The following NOP56 variants were observed in gnomAD, a reference collection of about 807,000 sequenced individuals.
NOP56 encodes the protein nucleolar protein 56.
Under a neutral mutation model 58.3 loss-of-function variants are expected in NOP56, and 31 were observed. The observed-to-expected ratio is 0.53, with a 90% confidence interval of 0.40 to 0.72. The LOEUF (loss-of-function observed/expected upper bound fraction) is 0.72. Among genes scored for constraint, NOP56 ranks in the 30% least tolerant of loss-of-function variants. The probability of loss-of-function intolerance (pLI) is 0.00; values close to 1 mark genes in which losing one functional copy is unlikely to be tolerated. For missense variants in NOP56, 669 were observed against 739.9 expected (o/e 0.90, Z 1.11); for synonymous variants, 313 against 282.8 (o/e 1.11, Z -1.07).
At position 2,653,315 on chromosome 20, in the gene NOP56, A is replaced by G; in HGVS notation, c.130A>G (p.Ser44Gly). 1 of 1,614,168 alleles carries G rather than the reference A, an allele frequency of 6.2e-7. No individual in the cohort carries two copies. Among genetic ancestry groups the G allele is most frequent in the Non-Finnish European group, 8.5e-7 (1 of 1,180,022 alleles). The change falls in exon 3 of 12, where the codon AGC becomes GGC. Residue 44 changes from serine to glycine, a missense_variant. By Grantham distance (56) the Ser-to-Gly change is moderately conservative. Around this residue, in one of 3 missense-constraint regions of NOP56, gnomAD observed 121 missense variants for 113.1 expected, o/e 1.07. Transcript: ENST00000329276. ...TGTGCTCAACCTGGGCAAATTCCAC[A>G]GCATCGTTCGTCTGGTGGCCTTTTG... ...ESVLNLGKFH[S>G]IVRLVAFCPF...
chr20:2,652,980 C>G, intron 2 of NOP56, 49 bp downstream of exon 2: 2 of 1,489,420 alleles, frequency 1.3e-6, no homozygotes, highest in Middle Eastern at 2.3e-4. Context: ...ACCCTCATCG[C>G]GCGGGTCCCA....
intron 10 of NOP56, 91 bp from the exon 11 acceptor site, chr20:2,656,987 AAAC>A (rs1255295134): frequency 3.1e-6 from 5 of 1,613,698 alleles, no homozygotes; most frequent in Non-Finnish European, 4.2e-6. Flanking sequence ...GGAGGCAAAA[AAAC>A]TGATTTAATG....
rs1232477976 is a variant in NOP56 at position 2,655,756 on chromosome 20, A to C, written c.909+10A>C. The C allele has an allele frequency of 2.5e-6, 4 of 1,614,064 alleles. No individual in the cohort carries two copies. The highest frequency in any genetic ancestry group is 3.3e-5 in the Admixed American group (2 of 60,004). On this transcript the variant is annotated intron_variant, in intron 7 of 11. Coordinates refer to ENST00000329276, the MANE Select transcript of NOP56 (RefSeq NM_006392.4). ...CCTAATTGGGGAAGCGGTGCGTCAC[A>C]GGGGACTCAAAAATGGGAGAATAAG... is the stretch of plus-strand genomic sequence containing the variant.
At chr20:2,654,980 C>T in intron 5 of NOP56, 33 bp downstream of exon 5, 1 of 1,610,192 alleles carries the variant, frequency 6.2e-7, no homozygotes, top group South Asian at 1.1e-5. Flanking sequence ...AATACTGGAG[C>T]CTTTGGTCTG....
intron 3 of NOP56, 39 bp from the exon 4 acceptor site, chr20:2,654,375 C>T (rs750300536): frequency 1.9e-6 from 3 of 1,612,956 alleles, no homozygotes; most frequent in South Asian, 2.2e-5. Context: ...GTTGATCGTC[C>T]TTCAGCCTGT....
rs767472861 is a variant in NOP56, at chr20:2,655,435, A to T, written c.680A>T (p.Lys227Met). The change falls in exon 6 of 12, where the codon AAG becomes ATG. Residue 227 changes from lysine (K) to methionine (M), a missense_variant. Lys to Met is a moderately conservative substitution (Grantham distance 95). Transcript: ENST00000329276. ...IGNRRELNED[K>M]LEKLEELTMD... is the part of the protein sequence containing the mutation. ...AACCGAAGGGAACTGAATGAGGACAAGCTGGAGAAGCTGGAGGAGCTGACA... is the reference window on the plus strand; with the variant it reads ...AACCGAAGGGAACTGAATGAGGACATGCTGGAGAAGCTGGAGGAGCTGACA... 3.7e-6 allele frequency: 6 copies of T among 1,614,144 alleles called. No individual in the cohort carries two copies. The highest frequency in any genetic ancestry group is 3.3e-4 in the Middle Eastern group (2 of 6,062).
chr20:2,657,626 G>T, intron 11 of NOP56: 1 of 511,394 alleles, frequency 2.0e-6, no homozygotes, highest in Non-Finnish European at 3.5e-6. Context: ...TTAGCACCCA[G>T]TTTCTTAAAC....
intron 11 of NOP56, 37 bp from the exon 12 acceptor site, chr20:2,657,892 C>T (rs1244923409): frequency 1.9e-6 from 3 of 1,539,446 alleles, no homozygotes; most frequent in Admixed American, 2.1e-5. Flanking sequence ...GTAATGAGCA[C>T]TGTTCTCACA....
rs1420189781 is a variant in NOP56 at position 2,656,520 on chromosome 20, G to A, written c.1130G>A (p.Ser377Asn). 6.2e-6 allele frequency: 10 copies of A among 1,608,954 alleles called. No homozygotes were observed. The highest frequency in any genetic ancestry group is 1.3e-5 in the African/African-American group (1 of 74,770). Residue 377 changes from serine (S) to asparagine (N), a missense_variant, in exon 9 of 12, where the codon AGT (serine) becomes AAT (asparagine). This residue lies in a region of NOP56 where 339 missense variants were observed against 430.5 expected (regional missense o/e 0.79). Transcript: ENST00000329276. ...RISRYLANKC[S>N]IASRIDCFSE... Reference sequence around the variant, plus strand: ...TCCCGATACCTGGCAAACAAATGCAGTATTGCCTCACGAATCGATTGCTTC... The same window carrying A: ...TCCCGATACCTGGCAAACAAATGCAATATTGCCTCACGAATCGATTGCTTC...
At chr20:2,653,099 C>T (rs987520570) in intron 2 of NOP56, 168 bp downstream of exon 2, 7 of 770,772 alleles carry the variant, frequency 9.1e-6, no homozygotes, top group Middle Eastern at 7.8e-4. Context: ...GGTAGAATCG[C>T]TCTAGCAATT....
intron 3 of NOP56, chr20:2,654,128 T>G: frequency 1.6e-6 from 1 of 633,194 alleles, no homozygotes; most frequent in Non-Finnish European, 3.0e-6. Flanking sequence ...TACGAAATAC[T>G]CGAGGGTGTG....
intron 1 of NOP56, 39 bp downstream of exon 1, chr20:2,652,702 G>A (rs2086761632): frequency 3.4e-6 from 5 of 1,477,116 alleles, no homozygotes; most frequent in Non-Finnish European, 3.6e-6. Context: ...CGCGACGGTG[G>A]GGGTTTCGGC....
rs1417110136 is a variant in NOP56 at position 2,655,377 on chromosome 20, G to A, written c.622G>A (p.Ala208Thr). 1.2e-6 allele frequency: 2 copies of A among 1,614,144 alleles called. No individual in the cohort carries two copies. Among genetic ancestry groups the A allele is most frequent in the Non-Finnish European group, 1.7e-6 (2 of 1,180,036 alleles). ...PELVKIINDNATYCRLAQFIG... is the reference protein window; with the variant it reads ...PELVKIINDNTTYCRLAQFIG... ...GCTGGTGAAGATCATCAACGACAAT[G>A]CCACATACTGCCGTCTTGCCCAGTT... Residue 208 changes from alanine (A) to threonine (T), a missense_variant, in exon 6 of 12, where the codon GCC (alanine) becomes ACC (threonine). Coordinates refer to ENST00000329276, the MANE Select transcript of NOP56 (RefSeq NM_006392.4).
chr20:2,656,626 A>G, intron 9 of NOP56, 77 bp downstream of exon 9: 1 of 1,606,374 alleles, frequency 6.2e-7, no homozygotes, highest in African/African-American at 1.3e-5. Context: ...CATAGCTTCC[A>G]CAATGATGGC....
chr20:2,656,242 G>C, intron 8 of NOP56, 159 bp from the exon 9 acceptor site: 1 of 1,604,942 alleles, frequency 6.2e-7, no homozygotes, highest in South Asian at 1.1e-5. Flanking sequence ...CCTTCCCTCT[G>C]CCTCTGGGAG....
Position 2,657,923 on chromosome 20 carries a change from C to T in NOP56, c.1420-6C>T, listed in dbSNP as rs2086849121. The T allele has an allele frequency of 1.3e-6, 2 of 1,577,982 alleles. No homozygotes were observed. The highest frequency in any genetic ancestry group is 1.7e-4 in the Middle Eastern group (1 of 5,874). On this transcript the variant is annotated splice_polypyrimidine_tract_variant and splice_region_variant and intron_variant, in intron 11 of 11. Coordinates refer to ENST00000329276, the MANE Select transcript of NOP56 (RefSeq NM_006392.4). ...TCACAGCCTGTTCCCCTGTCCTTCCCTTTAGGAGATGAGTGAAAAACCCAA... is the reference window on the plus strand; with the variant it reads ...TCACAGCCTGTTCCCCTGTCCTTCCTTTTAGGAGATGAGTGAAAAACCCAA...
chr20:2,655,532 A>G lies in NOP56; in HGVS notation c.757+20A>G, dbSNP rs2086805634. 1.9e-6 allele frequency: 3 copies of G among 1,614,002 alleles called. No homozygotes were observed. Among genetic ancestry groups the G allele is most frequent in the African/African-American group, 1.3e-5 (1 of 74,918 alleles). Reference sequence around the variant, plus strand: ...CCATGGGTCAGTGCAGAGCCTGGCAACCTGCATAAGGTATGGGGCTCTAAA... The same window carrying G: ...CCATGGGTCAGTGCAGAGCCTGGCAGCCTGCATAAGGTATGGGGCTCTAAA... On this transcript the variant is annotated intron_variant, in intron 6 of 11. Transcript: ENST00000329276.
At chr20:2,655,299 C>G in intron 5 of NOP56, 26 bp from the exon 6 acceptor site, 1 of 1,613,928 alleles carries the variant, frequency 6.2e-7, no homozygotes, top group Non-Finnish European at 8.5e-7. Flanking sequence ...GCAGCTGGGC[C>G]AGGGAGTGAC....
chr20:2,654,163 C>T (rs2086786643), intron 3 of NOP56: 1 of 713,522 alleles, frequency 1.4e-6, no homozygotes, highest in South Asian at 1.4e-5. Flanking sequence ...TTATTGCCCA[C>T]TTGTGCTATC....
Sources: allele counts gnomAD v4.1 joint callset, GRCh38; gene constraint gnomAD v4.1.1; regional missense constraint gnomAD v4.1.1; transcripts MANE v1.5; gene names NCBI Gene and HGNC (gene_info 2026-07-23, HGNC 2026-07-21).